ADARB1: variants seen among roughly 807,000 people sequenced by gnomAD.
ADARB1 encodes the protein adenosine deaminase RNA specific B1.
A neutral mutation model predicts 52.4 loss-of-function variants in ADARB1; 10 were observed. That is an observed-to-expected ratio of 0.19 (90% CI 0.12 to 0.32). The LOEUF is 0.32. Ranked by LOEUF, ADARB1 falls within the 10% of genes least tolerant of loss-of-function variation. The pLI, the probability that ADARB1 is intolerant of heterozygous loss-of-function variation, is 1.00. For missense variants in ADARB1, 643 were observed against 922.3 expected (o/e 0.70, Z 3.92); for synonymous variants, 349 against 371.1 (o/e 0.94, Z 0.68).
intron 2 of ADARB1, chr21:45,144,632 T>C (rs747640022): frequency 2.2e-6 from 1 of 453,298 alleles, no homozygotes; most frequent in South Asian, 1.6e-5. Context: ...ATCCTAAAGG[T>C]GGAAGAAAGA....
Position 45,223,040 on chromosome 21 carries a change from T to G in ADARB1, c.*843T>G, listed in dbSNP as rs1233285330. On this transcript the variant is annotated 3_prime_UTR_variant, in exon 11 of 11. Coordinates refer to ENST00000348831, the MANE Select transcript of ADARB1 (RefSeq NM_001112.4). ...ATCCCAGGCTGGCCATTCATTCAGGTTTTTTAAAGGATATTTAACTTTTAT... is the reference window on the plus strand; with the variant it reads ...ATCCCAGGCTGGCCATTCATTCAGGGTTTTTAAAGGATATTTAACTTTTAT... 1 of 985,256 alleles carries G rather than the reference T, an allele frequency of 1.0e-6. No individual in the cohort carries two copies. The highest frequency in any genetic ancestry group is 1.2e-6 in the Non-Finnish European group (1 of 829,940). The allele number at this position is 985,256 out of a possible 1,614,324, so 61.0% of individuals were successfully genotyped here. A position where few individuals can be genotyped will look rare whatever the true frequency, so the allele number is the denominator to read the frequency against.
chr21:45,176,130 T>C lies in ADARB1; in HGVS notation c.429T>C (p.Val143=), dbSNP rs751893914. Residue 143 remains valine, a synonymous_variant, in exon 4 of 11, where the codon GTT becomes GTC. Coordinates refer to ENST00000348831, the MANE Select transcript of ADARB1 (RefSeq NM_001112.4). The surrounding 1 kb of genome is among the most constrained non-coding windows in gnomAD (Gnocchi z 5.8). ...CTGAGAAGGCCTTGAGGTCTTTCGT[T>C]CAGTTTCCTAATGCCTCTGAGGCCC... ...HAAEKALRSF[V]QFPNASEAHL... The C allele has an allele frequency of 6.2e-7, 1 of 1,614,096 alleles. No homozygotes were observed. Among genetic ancestry groups the C allele is most frequent in the South Asian group, 1.1e-5 (1 of 91,074 alleles).
chr21:45,110,897 T>C (rs961462671), intron 1 of ADARB1, among the ~76,000 whole-genome samples: 10 of 152,142 alleles, frequency 6.6e-5, no homozygotes, highest in African/African-American at 1.4e-4. Flanking sequence ...CATCTGTCCA[T>C]CCTCTTGGGA....
intron 1 of ADARB1, among the ~76,000 whole-genome samples, chr21:45,094,298 G>A (rs111539761): frequency 1.2e-4 from 18 of 152,100 alleles, no homozygotes; most frequent in East Asian, 9.6e-4. Context: ...CTGTTGGTCC[G>A]TGTCTTTATC....
chr21:45,106,971 T>G (rs1822327602), intron 1 of ADARB1, among the ~76,000 whole-genome samples: 1 of 152,178 alleles, frequency 6.6e-6, no homozygotes, highest in South Asian at 2.1e-4. Context: ...GCATACCATG[T>G]GGAAAAGAAG....
At chr21:45,211,513 C>G (rs1158235534) in intron 9 of ADARB1, among the ~76,000 whole-genome samples, 1 of 152,188 alleles carries the variant, frequency 6.6e-6, no homozygotes, top group African/African-American at 2.4e-5. Flanking sequence ...CATAATAACC[C>G]TAAAATATCC....
intron 1 of ADARB1, among the ~76,000 whole-genome samples, chr21:45,117,276 T>C (rs1234687030): frequency 1.3e-5 from 2 of 152,216 alleles, no homozygotes; most frequent in Non-Finnish European, 2.9e-5. Flanking sequence ...CTCTCTGGCT[T>C]GTCCTTGTGA....
rs2091950920 is a variant in ADARB1, at chr21:45,182,102, T to G, written c.1079-483T>G. On this transcript the variant is annotated intron_variant, in intron 5 of 10. Coordinates refer to ENST00000348831, the MANE Select transcript of ADARB1 (RefSeq NM_001112.4). ...CTCCGAGTGTGGTTAATGGTGACAG[T>G]TTACTAATGAAAACATCACAAGTTA... Among the ~76,000 whole-genome samples the G allele has an allele frequency of 2.0e-5, 3 of 152,216 alleles. No individual in the cohort carries two copies. In the South Asian group the frequency reaches 6.2e-4, roughly 31 times the overall value.
At chr21:45,119,758 G>C (rs2088051383) in intron 1 of ADARB1, among the ~76,000 whole-genome samples, 2 of 152,304 alleles carry the variant, frequency 1.3e-5, no homozygotes, top group South Asian at 4.1e-4. Context: ...ATGACTTAGG[G>C]TACTTATAAG....
chr21:45,147,241 C>T (rs1182438113), intron 2 of ADARB1, among the ~76,000 whole-genome samples: 1 of 152,232 alleles, frequency 6.6e-6, no homozygotes, highest in Admixed American at 6.5e-5. Context: ...GATATTCCCC[C>T]TTACAGTTTT....
chr21:45,136,776 C>T (rs1362256167), intron 2 of ADARB1, among the ~76,000 whole-genome samples: 1 of 152,228 alleles, frequency 6.6e-6, no homozygotes, highest in Non-Finnish European at 1.5e-5. Context: ...AATCCCGCCC[C>T]CAGCTGGTGT....
chr21:45,197,272 CG>C (rs1278191247), intron 8 of ADARB1, among the ~76,000 whole-genome samples: 1 of 151,440 alleles, frequency 6.6e-6, no homozygotes, highest in Non-Finnish European at 1.5e-5. Context: ...GAGGCCGAGG[CG>C]GGTGGATCAC....
intron 2 of ADARB1, among the ~76,000 whole-genome samples, chr21:45,141,181 G>A (rs920672527): frequency 1.6e-4 from 25 of 152,146 alleles, no homozygotes; most frequent in Non-Finnish European, 2.4e-4. Flanking sequence ...GGGCGACAGA[G>A]CGAGACCCTG....
In ADARB1 at chr21:45,204,924, A is replaced by G. The variant is rs1041353251; in HGVS notation, c.1747+188A>G. Among the ~76,000 whole-genome samples the G allele has an allele frequency of 2.0e-5, 3 of 152,092 alleles. No individual in the cohort carries two copies. The highest frequency in any genetic ancestry group is 1.3e-4 in the Admixed American group (2 of 15,266). ...CCTTGTCTCTAGGGCCTTTTAAGTG[A>G]GTCTCTCTGTAAGATTAATCTCCTT... is the stretch of plus-strand genomic sequence containing the variant. On this transcript the variant is annotated intron_variant, in intron 9 of 10. Coordinates refer to ENST00000348831, the MANE Select transcript of ADARB1 (RefSeq NM_001112.4). This position sits in a 1 kb window ranked among gnomAD's most constrained non-coding sequence, Gnocchi z 4.4.
At position 45,077,463 on chromosome 21, in the gene ADARB1, AG is replaced by A. The variant is rs556585911; in HGVS notation, c.-220+2671del. Among the ~76,000 whole-genome samples the A allele has an allele frequency of 3.1e-3, 476 of 152,266 alleles. 4 individuals carry two copies. The highest frequency in any genetic ancestry group is 0.014 in the Middle Eastern group (4 of 294). Reference sequence around the variant, plus strand: ...GGTAGATCACGAGGTCAGGAGATCGAGACCATCCTTGCTAACACGGTGAAAA... The same window carrying A: ...GGTAGATCACGAGGTCAGGAGATCGAACCATCCTTGCTAACACGGTGAAAA... On this transcript the variant is annotated intron_variant, in intron 1 of 10. Coordinates refer to ENST00000348831, the MANE Select transcript of ADARB1 (RefSeq NM_001112.4).
At chr21:45,177,603 A>G (rs974418559) in intron 4 of ADARB1, 2 of 152,152 alleles carry the variant, frequency 1.3e-5, no homozygotes, top group Non-Finnish European at 2.9e-5. Context: ...TTGACCCTCT[A>G]TTCATTTATT....
intron 6 of ADARB1, 23 bp from the exon 7 acceptor site, chr21:45,183,338 CT>C: frequency 6.3e-7 from 1 of 1,589,990 alleles, no homozygotes; most frequent in Non-Finnish European, 8.5e-7. Context: ...TTAAATGTTA[CT>C]TTTGCAACTT....
chr21:45,123,817 T>G (rs1420303792), intron 1 of ADARB1, among the ~76,000 whole-genome samples: 3 of 152,156 alleles, frequency 2.0e-5, no homozygotes, highest in African/African-American at 7.2e-5. Context: ...CCTAGGCTGA[T>G]CTTGAACTCC....
chr21:45,216,449 G>A (rs2092864925), intron 9 of ADARB1, among the ~76,000 whole-genome samples: 1 of 151,864 alleles, frequency 6.6e-6, no homozygotes, highest in Admixed American at 6.5e-5. Context: ...TAAAAATTAT[G>A]ATATGTTTTC....
Sources: gnomAD v4.1 joint callset for allele counts (sites outside exome capture counted in the v4.1 genomes callset) on GRCh38, gnomAD v4.1.1 for gene constraint, Gnocchi (gnomAD v3.1) non-coding constraint, MANE v1.5 for transcripts, NCBI Gene and HGNC (gene_info 2026-07-23, HGNC 2026-07-21) for gene names.